Variants in PPFIA1 observed in about 807,000 individuals in gnomAD.
PPFIA1 encodes the protein PPFI scaffold protein A1, also known as liprin-alpha-1.
In PPFIA1, 25 loss-of-function variants were observed where a neutral mutation model predicts 149.9. That is an observed-to-expected ratio of 0.17 (90% CI 0.12 to 0.23). The LOEUF (loss-of-function observed/expected upper bound fraction) is 0.23. PPFIA1 is among the 10% of genes least tolerant of loss of function. PPFIA1 has a pLI of 1.00. For synonymous variants in PPFIA1, 549 were observed against 552.8 expected (o/e 0.99, Z 0.10); for missense variants, 1,362 against 1,506.5 (o/e 0.90, Z 1.59).
chr11:70,344,929 C>T (rs1397521202), intron 15 of PPFIA1, among the ~76,000 whole-genome samples: 4 of 152,216 alleles, frequency 2.6e-5, no homozygotes, highest in Non-Finnish European at 4.4e-5. Context: ...GCAGGACAGT[C>T]CCGGCTCAAT....
intron 2 of PPFIA1, among the ~76,000 whole-genome samples, chr11:70,287,428 G>A (rs1480979015): frequency 6.6e-6 from 1 of 151,742 alleles, no homozygotes; most frequent in Non-Finnish European, 1.5e-5. Context: ...TCAGCGATCC[G>A]GTTTTGCCCT....
intron 15 of PPFIA1, among the ~76,000 whole-genome samples, chr11:70,344,599 G>A (rs1474713146): frequency 2.6e-5 from 4 of 152,228 alleles, no homozygotes; most frequent in Non-Finnish European, 4.4e-5. Flanking sequence ...GTTTAAAAGT[G>A]TAGAACGTTT....
chr11:70,343,608 T>G (rs1297946661), intron 14 of PPFIA1, 61 bp from the exon 15 acceptor site: 3 of 1,450,478 alleles, frequency 2.1e-6, no homozygotes, highest in Non-Finnish European at 2.9e-6. Context: ...TCCGATAGAT[T>G]TATGTTTCTA....
chr11:70,296,270 T>C (rs1414793619), intron 2 of PPFIA1, among the ~76,000 whole-genome samples: 2 of 151,386 alleles, frequency 1.3e-5, no homozygotes, highest in Non-Finnish European at 2.9e-5. Flanking sequence ...CCTCACTTCC[T>C]AGACGGGGTG....
chr11:70,359,937 C>T (rs2056549930), intron 19 of PPFIA1, among the ~76,000 whole-genome samples: 1 of 152,250 alleles, frequency 6.6e-6, no homozygotes, highest in South Asian at 2.1e-4. Context: ...GGGCCTTCTT[C>T]CCGTGATTGG....
chr11:70,380,964 T>TAATTTTTTG (rs1460219093), intron 26 of PPFIA1: 1 of 152,000 alleles, frequency 6.6e-6, no homozygotes, highest in Non-Finnish European at 1.5e-5. Flanking sequence ...CATGCCTTGC[T>TAATTTTTTG]AATTTTTTGA....
chr11:70,316,934 C>G (rs2053667327), intron 2 of PPFIA1, among the ~76,000 whole-genome samples: 1 of 152,136 alleles, frequency 6.6e-6, no homozygotes. Flanking sequence ...TATGTGAAAC[C>G]AAGTTCTTTA....
At chr11:70,348,069 G>C in intron 15 of PPFIA1, 120 bp from the exon 16 acceptor site, 2 of 733,246 alleles carry the variant, frequency 2.7e-6, no homozygotes, top group East Asian at 2.7e-5. Flanking sequence ...TTCATTGTTT[G>C]AGCAGCTTAT....
intron 7 of PPFIA1, among the ~76,000 whole-genome samples, chr11:70,328,114 A>C (rs2054430499): frequency 6.6e-6 from 1 of 152,126 alleles, no homozygotes. Context: ...TTTGGGGTAC[A>C]CGTGTAGGTC....
At chr11:70,275,748 C>T (rs1362876045) in intron 2 of PPFIA1, among the ~76,000 whole-genome samples, 1 of 152,140 alleles carries the variant, frequency 6.6e-6, no homozygotes, top group Non-Finnish European at 1.5e-5. Flanking sequence ...CTCTTCTGCT[C>T]CTTTGATCTT....
intron 21 of PPFIA1, chr11:70,365,266 GCCT>G (rs370462339): frequency 2.6e-6 from 1 of 380,452 alleles, no homozygotes; most frequent in Non-Finnish European, 5.3e-6. Context: ...AGCGAACTTT[GCCT>G]CCTCGGCCCC....
intron 19 of PPFIA1, 137 bp from the exon 20 acceptor site, chr11:70,361,958 G>A (rs1024377197): frequency 1.9e-5 from 14 of 718,060 alleles, no homozygotes; most frequent in East Asian, 1.3e-4. Flanking sequence ...TTGGGGTCTC[G>A]CTGTGTTGTC....
At position 70,326,603 on chromosome 11, in the gene PPFIA1, T is replaced by C; in HGVS notation, c.715T>C (p.Ser239Pro). ...TTTTTTTTCCCCCTATCAGAGATCT[T>C]CTGATGGTTCTTTAAGCCACGAGGA... ...NTPSTSGKRS[S>P]DGSLSHEEDL... Residue 239 changes from serine to proline, a missense_variant, in exon 7 of 28, where the codon TCT (serine) becomes CCT (proline). Physicochemically the swap from Ser to Pro is moderately conservative, Grantham distance 74 (BLOSUM62 -1). Transcript: ENST00000253925. 3.1e-6 allele frequency: 5 copies of C among 1,613,264 alleles called. No individual in the cohort carries two copies. The highest frequency in any genetic ancestry group is 4.2e-6 in the Non-Finnish European group (5 of 1,179,534).
intron 26 of PPFIA1, among the ~76,000 whole-genome samples, chr11:70,379,353 G>A (rs555894409): frequency 7.7e-4 from 117 of 152,074 alleles, no homozygotes; most frequent in Non-Finnish European, 1.4e-3. Flanking sequence ...AGCTACTTGG[G>A]AGGCTAAGGC....
chr11:70,276,181 G>A (rs1325488092), intron 2 of PPFIA1, among the ~76,000 whole-genome samples: 5 of 151,914 alleles, frequency 3.3e-5, no homozygotes, highest in African/African-American at 1.2e-4. Flanking sequence ...ATCATAGCTC[G>A]CTGTAGCCTT....
Position 70,339,295 on chromosome 11 carries a change from G to A in PPFIA1, c.1696G>A (p.Glu566Lys), listed in dbSNP as rs778697942. Residue 566 changes from glutamate to lysine, a missense_variant, in exon 14 of 28, where the codon GAG (glutamate) becomes AAG (lysine). Glu to Lys is a moderately conservative substitution (Grantham distance 56). Coordinates refer to ENST00000253925, the MANE Select transcript of PPFIA1 (RefSeq NM_003626.5). The stretch of plus-strand genomic sequence containing the variant: ...AGGCCGGCTGGCAGCCCTGCGAGAT[G>A]AGCCTTCCAAGGCAAGGTCTTTGTG... ...QKGRLAALRD[E>K]PSKVQTLNEQ... 3 of 1,613,726 alleles carry A rather than the reference G, an allele frequency of 1.9e-6. No individual in the cohort carries two copies. The highest frequency in any genetic ancestry group is 2.5e-6 in the Non-Finnish European group (3 of 1,179,684).
At chr11:70,380,471 G>A (rs1195378470) in intron 26 of PPFIA1, among the ~76,000 whole-genome samples, 1 of 152,068 alleles carries the variant, frequency 6.6e-6, no homozygotes, top group African/African-American at 2.4e-5. Context: ...CAGCTACTCG[G>A]GAGGCTGGGG....
At chr11:70,275,670 C>G (rs1480661084) in intron 2 of PPFIA1, among the ~76,000 whole-genome samples, 3 of 152,076 alleles carry the variant, frequency 2.0e-5, no homozygotes, top group Admixed American at 1.3e-4. Context: ...ACTATTCTTT[C>G]CCCAGTGTAC....
chr11:70,297,279 C>T (rs1424494878), intron 2 of PPFIA1, among the ~76,000 whole-genome samples: 1 of 151,990 alleles, frequency 6.6e-6, no homozygotes, highest in Non-Finnish European at 1.5e-5. Flanking sequence ...CGTGGTGGTG[C>T]GTGCTTGTAG....
Sources: gnomAD v4.1 joint callset for allele counts (sites outside exome capture counted in the v4.1 genomes callset) on GRCh38, gnomAD v4.1.1 for gene constraint, MANE v1.5 for transcripts, NCBI Gene and HGNC (gene_info 2026-07-23, HGNC 2026-07-21) for gene names.